Variants in PMS1 observed in about 807,000 individuals in gnomAD.
The protein encoded by PMS1 is PMS1 homolog 1, mismatch repair system component, also known as PMS1 protein homolog 1.
Under a neutral mutation model 93.1 loss-of-function variants are expected in PMS1, and 79 were observed. That is an observed-to-expected ratio of 0.85 (90% CI 0.71 to 1.02). The LOEUF (loss-of-function observed/expected upper bound fraction) is 1.02. Among genes scored for constraint, PMS1 ranks in the 50% least tolerant of loss-of-function variants. PMS1 has a pLI of 0.00. For synonymous variants in PMS1, 335 were observed against 363.4 expected (o/e 0.92, Z 0.89); for missense variants, 1,064 against 1,085.3 (o/e 0.98, Z 0.28).
Position 189,877,515 on chromosome 2 carries a change from T to C in PMS1, c.*79T>C. 1.1e-6 allele frequency: 1 copy of C among 941,026 alleles called. No homozygotes were observed. The highest frequency in any genetic ancestry group is 1.7e-6 in the Non-Finnish European group (1 of 594,356). The allele number at this position is 941,026 out of a possible 1,614,324, so 58.3% of individuals were successfully genotyped here. A position where few individuals can be genotyped will look rare whatever the true frequency, so the allele number is the denominator to read the frequency against. ...AGCATGAGTCTGGTTTTAAATTATCTTTGTATTATGTGTCACATGGTTATT... is the reference window on the plus strand; with the variant it reads ...AGCATGAGTCTGGTTTTAAATTATCCTTGTATTATGTGTCACATGGTTATT... On this transcript the variant is annotated 3_prime_UTR_variant, in exon 13 of 13. Transcript: ENST00000441310.
intron 2 of PMS1, among the ~76,000 whole-genome samples, chr2:189,795,093 A>G (rs938218816): frequency 2.6e-5 from 4 of 152,052 alleles, no homozygotes; most frequent in Non-Finnish European, 5.9e-5. Context: ...CAAAGTATCT[A>G]AAAAAAGTCT....
In PMS1 at chr2:189,791,896, T is replaced by C; in HGVS notation, c.87T>C (p.Ile29=). Residue 29 remains isoleucine, a synonymous_variant, in exon 2 of 13, where the codon ATT becomes ATC. Transcript: ENST00000441310. ...TGGTCAGTGTTGTAAAAGAGCTTAT[T>C]GAAAACTCCTTGGATGCTGGTGCCA... is the stretch of plus-strand genomic sequence containing the variant. The part of the protein sequence containing the change: ...TSVVSVVKEL[I]ENSLDAGATS... 1.2e-6 allele frequency: 2 copies of C among 1,614,030 alleles called. No individual in the cohort carries two copies. Among genetic ancestry groups the C allele is most frequent in the Non-Finnish European group, 1.7e-6 (2 of 1,179,888 alleles).
intron 9 of PMS1, chr2:189,855,876 G>A: frequency 9.0e-7 from 1 of 1,115,096 alleles, no homozygotes; most frequent in Non-Finnish European, 1.2e-6. Flanking sequence ...ATCTAATCCA[G>A]CAGAAAATGA....
intron 12 of PMS1, among the ~76,000 whole-genome samples, chr2:189,875,769 A>G (rs1226238595): frequency 6.6e-6 from 1 of 151,922 alleles, no homozygotes; most frequent in East Asian, 1.9e-4. Context: ...CCTGGCCAAC[A>G]TGGTGAAGTC....
chr2:189,873,443 G>A (rs538993701), intron 11 of PMS1, 53 bp from the exon 12 acceptor site: 334 of 1,294,044 alleles, frequency 2.6e-4, no homozygotes, highest in Non-Finnish European at 3.5e-4. Flanking sequence ...GTTTTTAATG[G>A]ACATGTTCTG....
At chr2:189,829,856 T>G (rs577116362) in intron 5 of PMS1, among the ~76,000 whole-genome samples, 1 of 152,200 alleles carries the variant, frequency 6.6e-6, no homozygotes, top group Non-Finnish European at 1.5e-5. Context: ...TGTCTGTGAC[T>G]ACCACTGTGG....
At chr2:189,817,021 C>G (rs1406969911) in intron 4 of PMS1, among the ~76,000 whole-genome samples, 3 of 151,946 alleles carry the variant, frequency 2.0e-5, no homozygotes, top group African/African-American at 7.3e-5. Context: ...GGTTCTCAAC[C>G]AAGGCAACTT....
intron 3 of PMS1, among the ~76,000 whole-genome samples, 185 bp from the exon 4 acceptor site, chr2:189,805,467 A>G (rs898845125): frequency 6.6e-6 from 1 of 152,252 alleles, no homozygotes; most frequent in African/African-American, 2.4e-5. Flanking sequence ...TAAAAAAAAT[A>G]CAAGCTGGCC....
intron 5 of PMS1, among the ~76,000 whole-genome samples, chr2:189,831,847 T>C (rs1185115432): frequency 6.6e-6 from 1 of 152,096 alleles, no homozygotes; most frequent in Non-Finnish European, 1.5e-5. Flanking sequence ...AGTGGCATGA[T>C]CTCAACTCAC....
At chr2:189,840,132 T>A (rs1248568042) in intron 5 of PMS1, among the ~76,000 whole-genome samples, 1 of 152,204 alleles carries the variant, frequency 6.6e-6, no homozygotes, top group Non-Finnish European at 1.5e-5. Context: ...AAACTTTAGA[T>A]AAACTAAATT....
At chr2:189,802,849 G>A (rs1475555219) in intron 3 of PMS1, among the ~76,000 whole-genome samples, 1 of 152,154 alleles carries the variant, frequency 6.6e-6, no homozygotes, top group African/African-American at 2.4e-5. Context: ...AAATACGTCT[G>A]GGAAGTTTTG....
chr2:189,788,407 C>G (rs1335087524), intron 1 of PMS1, among the ~76,000 whole-genome samples: 1 of 152,106 alleles, frequency 6.6e-6, no homozygotes, highest in Non-Finnish European at 1.5e-5. Context: ...TTATTTACTT[C>G]TCACCACAAT....
At chr2:189,843,012 A>AT (rs1559287807) in intron 5 of PMS1, among the ~76,000 whole-genome samples, 1 of 146,624 alleles carries the variant, frequency 6.8e-6, no homozygotes, top group Admixed American at 6.7e-5. Flanking sequence ...GTATATATAT[A>AT]TTTTTTTCTT....
chr2:189,853,505 C>G (rs941347598), intron 7 of PMS1, among the ~76,000 whole-genome samples: 1 of 139,946 alleles, frequency 7.1e-6, no homozygotes, highest in Non-Finnish European at 1.5e-5. Flanking sequence ...TAATGCTTTT[C>G]TTTTCTTTTC....
chr2:189,824,983 T>A (rs2052301270), intron 5 of PMS1, among the ~76,000 whole-genome samples: 1 of 150,580 alleles, frequency 6.6e-6, no homozygotes, highest in African/African-American at 2.5e-5. Flanking sequence ...TAAAGAATTT[T>A]TTTGTCTGCT....
chr2:189,858,806 AG>A (rs1296905244), intron 9 of PMS1, among the ~76,000 whole-genome samples: 1 of 152,182 alleles, frequency 6.6e-6, no homozygotes, highest in African/African-American at 2.4e-5. Flanking sequence ...AAGTAACCAA[AG>A]GAGCCATTTT....
chr2:189,852,316 G>C (rs991665145), intron 6 of PMS1, among the ~76,000 whole-genome samples: 4 of 152,082 alleles, frequency 2.6e-5, no homozygotes, highest in Non-Finnish European at 5.9e-5. Context: ...TGTGAGGAAA[G>C]AAACTTTTAA....
intron 4 of PMS1, chr2:189,806,983 T>C (rs995873836): frequency 2.5e-5 from 5 of 198,510 alleles, no homozygotes; most frequent in Non-Finnish European, 5.2e-5. Context: ...TTTATCAAAG[T>C]ACATTCTGTA....
At chr2:189,852,564 T>C (rs972120713) in intron 6 of PMS1, 91 bp from the exon 7 acceptor site, 22 of 1,153,876 alleles carry the variant, frequency 1.9e-5, no homozygotes, top group Non-Finnish European at 2.8e-5. Context: ...AAATCTGTTT[T>C]TTAATTTTTT....
Sources: gnomAD v4.1 joint callset for allele counts (sites outside exome capture counted in the v4.1 genomes callset) on GRCh38, gnomAD v4.1.1 for gene constraint, MANE v1.5 for transcripts, NCBI Gene and HGNC (gene_info 2026-07-23, HGNC 2026-07-21) for gene names.